Variants in DOCK3 observed in about 807,000 individuals in gnomAD.
DOCK3 encodes dedicator of cytokinesis protein 3.
Under a neutral mutation model 265.6 loss-of-function variants are expected in DOCK3, and 60 were observed. The ratio of observed to expected loss-of-function variants is 0.23; its 90% CI spans 0.18 to 0.28. The LOEUF (loss-of-function observed/expected upper bound fraction) is 0.28. Among genes scored for constraint, DOCK3 ranks in the 10% least tolerant of loss-of-function variants. DOCK3 has a pLI of 1.00. For synonymous variants in DOCK3, 881 were observed against 938.0 expected, an observed-to-expected ratio of 0.94 and a Z score of 1.11; for missense variants, 1,981 against 2,594.3, an observed-to-expected ratio of 0.76 and a Z score of 5.14.
chr3:51,367,724 G>T (rs1411434267), intron 49 of DOCK3, among the ~76,000 whole-genome samples: 7 of 152,166 alleles, frequency 4.6e-5, no homozygotes, highest in Admixed American at 4.6e-4. Flanking sequence ...TGTCTGTAAA[G>T]GATTTTATTT....
intron 5 of DOCK3, among the ~76,000 whole-genome samples, chr3:51,039,059 G>A (rs978540843): frequency 4.6e-5 from 7 of 151,818 alleles, no homozygotes; most frequent in Admixed American, 2.6e-4. Context: ...GCAGTGGCAC[G>A]ATCTCGGCTC....
intron 27 of DOCK3, among the ~76,000 whole-genome samples, chr3:51,307,131 G>GA (rs2082729078): frequency 6.6e-6 from 1 of 151,866 alleles, no homozygotes; most frequent in African/African-American, 2.4e-5. Context: ...GCTTTTTGGG[G>GA]TTTTTTTAGA....
At chr3:51,194,090 GGTATGTTGTGTTCCTGTTTTCGTTTATT>G (rs1386526059) in intron 12 of DOCK3, among the ~76,000 whole-genome samples, 4 of 151,630 alleles carry the variant, frequency 2.6e-5, no homozygotes, top group South Asian at 4.1e-4. Flanking sequence ...CTACAGGTTT[GGTATGTTGTGTTCCTGTTTTCGTTTATT>G]TTGAGATTTT....
intron 7 of DOCK3, among the ~76,000 whole-genome samples, chr3:51,078,837 G>A (rs1347470007): frequency 6.6e-6 from 1 of 152,012 alleles, no homozygotes; most frequent in Non-Finnish European, 1.5e-5. Flanking sequence ...AAATCAAAAG[G>A]TCTACTGTGT....
At chr3:51,262,630 G>C (rs1049464872) in intron 23 of DOCK3, among the ~76,000 whole-genome samples, 3 of 152,122 alleles carry the variant, frequency 2.0e-5, no homozygotes, top group Admixed American at 1.3e-4. Context: ...CCAAGCTAAA[G>C]GAGCATGTTC....
rs1436265582 is a variant in DOCK3 at position 50,942,588 on chromosome 3, A to G, written c.315+8511A>G. ...TTGATGTTAATGCTACAGAGTTAACATAAGAGGGTCTGAATTTACTTAACT... is the reference window on the plus strand; with the variant it reads ...TTGATGTTAATGCTACAGAGTTAACGTAAGAGGGTCTGAATTTACTTAACT... On this transcript the variant is annotated intron_variant, in intron 5 of 52. Coordinates refer to ENST00000266037, the MANE Select transcript of DOCK3 (RefSeq NM_004947.5). 3.9e-5 allele frequency among the ~76,000 whole-genome samples: 6 copies of G among 152,188 alleles called. No individual in the cohort carries two copies. The East Asian group carries it at 5.8e-4, about 15-fold the overall frequency.
intron 5 of DOCK3, among the ~76,000 whole-genome samples, chr3:50,983,962 C>G (rs1042147310): frequency 3.3e-5 from 5 of 152,162 alleles, no homozygotes; most frequent in Non-Finnish European, 7.4e-5. Context: ...CTGGTGCCAG[C>G]TTTGGAAGCT....
intron 14 of DOCK3, among the ~76,000 whole-genome samples, chr3:51,220,671 AT>A (rs1395180476): frequency 1.9e-3 from 113 of 58,424 alleles, no homozygotes; most frequent in African/African-American, 4.9e-3. Flanking sequence ...AAAAAAAAAA[AT>A]ATATATATAT....
chr3:51,007,135 AC>A (rs992267931), intron 5 of DOCK3, among the ~76,000 whole-genome samples: 1 of 152,222 alleles, frequency 6.6e-6, no homozygotes, highest in Non-Finnish European at 1.5e-5. Context: ...TTGGATATAT[AC>A]CCAGTAATGG....
At chr3:50,690,620 C>T (rs557728011) in intron 1 of DOCK3, among the ~76,000 whole-genome samples, 23 of 152,060 alleles carry the variant, frequency 1.5e-4, no homozygotes, top group African/African-American at 2.7e-4. Flanking sequence ...TTCATTCGTT[C>T]GTTCGTTCAT....
At chr3:50,703,269 A>G (rs377709468) in intron 1 of DOCK3, among the ~76,000 whole-genome samples, 11 of 152,182 alleles carry the variant, frequency 7.2e-5, no homozygotes, top group Admixed American at 3.3e-4. Context: ...GGATTTTTGC[A>G]TCTATGTTTA....
intron 2 of DOCK3, among the ~76,000 whole-genome samples, chr3:50,826,201 C>T (rs2044745971): frequency 6.6e-6 from 1 of 151,148 alleles, no homozygotes; most frequent in Non-Finnish European, 1.5e-5. Context: ...GTTTACTTTT[C>T]CCTCAGCCTT....
At chr3:51,315,189 T>G (rs1190179159) in intron 32 of DOCK3, 61 bp downstream of exon 32, 2 of 1,475,196 alleles carry the variant, frequency 1.4e-6, no homozygotes, top group Non-Finnish European at 1.8e-6. Flanking sequence ...CTTAGGCAGG[T>G]GGCCTAGATG....
intron 22 of DOCK3, among the ~76,000 whole-genome samples, chr3:51,247,797 G>A (rs915730320): frequency 2.6e-5 from 4 of 152,292 alleles, no homozygotes; most frequent in African/African-American, 4.8e-5. Context: ...GAACATATCC[G>A]CAGTATCCTA....
intron 5 of DOCK3, among the ~76,000 whole-genome samples, chr3:51,025,308 A>G (rs956063392): frequency 1.3e-5 from 2 of 152,120 alleles, no homozygotes; most frequent in African/African-American, 2.4e-5. Flanking sequence ...ACAGGGGAGT[A>G]TAACTGCCTC....
chr3:50,716,955 A>G (rs1035033189), intron 1 of DOCK3, among the ~76,000 whole-genome samples: 6 of 152,198 alleles, frequency 3.9e-5, no homozygotes, highest in Non-Finnish European at 7.3e-5. Flanking sequence ...GCAAATATTA[A>G]TGCATATTCT....
At chr3:51,360,961 T>C (rs1006910431) in intron 47 of DOCK3, among the ~76,000 whole-genome samples, 1 of 152,112 alleles carries the variant, frequency 6.6e-6, no homozygotes, top group Non-Finnish European at 1.5e-5. Flanking sequence ...CCTCAAGATA[T>C]GAACAAGCCA....
rs139716318 is a variant in DOCK3, at chr3:51,167,115, C to A, written c.1037+6413C>A. 9.9e-5 allele frequency among the ~76,000 whole-genome samples: 15 copies of A among 152,260 alleles called. 1 individual carries two copies. The East Asian group carries it at 2.5e-3, about 25-fold the overall frequency. On this transcript the variant is annotated intron_variant, in intron 12 of 52. Transcript: ENST00000266037. ...GGTCTTATATTTAAGCATTTAATCT[C>A]TTTCGAGTTAGTTTTTGTGTTTTAT...
chr3:51,312,171 C>A, intron 29 of DOCK3, 92 bp downstream of exon 29: 2 of 1,166,620 alleles, frequency 1.7e-6, no homozygotes, highest in South Asian at 1.4e-5. Context: ...TTAATAGATT[C>A]ATAGTATCAA....
Sources: gnomAD v4.1 joint callset for allele counts (sites outside exome capture counted in the v4.1 genomes callset) on GRCh38, gnomAD v4.1.1 for gene constraint, MANE v1.5 for transcripts, NCBI Gene and HGNC (gene_info 2026-07-23, HGNC 2026-07-21) for gene names.